Variants in MACROD2 observed in about 807,000 individuals in gnomAD.
MACROD2 encodes ADP-ribose glycohydrolase MACROD2.
A neutral mutation model predicts 70.4 loss-of-function variants in MACROD2; 36 were observed. The observed-to-expected ratio is 0.51, with a 90% CI of 0.39 to 0.68. The LOEUF (loss-of-function observed/expected upper bound fraction) is 0.68. Ranked by LOEUF, MACROD2 falls within the 30% of genes least tolerant of loss-of-function variation. The pLI is 0.00. For synonymous variants in MACROD2, 172 were observed against 178.8 expected (o/e 0.96, Z 0.30); for missense variants, 496 against 538.4 (o/e 0.92, Z 0.78).
At chr20:14,086,757 G>A (rs778977766) in intron 3 of MACROD2, among the ~76,000 whole-genome samples, 13 of 152,202 alleles carry the variant, frequency 8.5e-5, no homozygotes, top group Non-Finnish European at 1.6e-4. Context: ...TAACATGTAT[G>A]AGACAGAGAA....
At position 15,902,415 on chromosome 20, in the gene MACROD2, A is replaced by AT. The variant is rs73619850; in HGVS notation, c.775+16605dup. Among the ~76,000 whole-genome samples, 453 of 152,278 alleles carry AT rather than the reference A, an allele frequency of 3.0e-3. 1 individual carries two copies. The highest frequency in any genetic ancestry group is 0.023 in the South Asian group (112 of 4,816). ...GGTATGTGGCATTGGGGATTGGCAG[A>AT]TAAAAAATGGATACAATGTTTAATA... On this transcript the variant is annotated intron_variant, in intron 10 of 17. Coordinates refer to ENST00000684519, the MANE Select transcript of MACROD2 (RefSeq NM_001351661.2).
intron 5 of MACROD2, among the ~76,000 whole-genome samples, chr20:15,138,799 C>A (rs757240742): frequency 6.6e-6 from 1 of 152,130 alleles, no homozygotes; most frequent in Non-Finnish European, 1.5e-5. Context: ...TGGAATGAGT[C>A]ATTTATTTCT....
intron 4 of MACROD2, among the ~76,000 whole-genome samples, chr20:14,660,831 G>A (rs924835865): frequency 1.3e-5 from 2 of 151,916 alleles, no homozygotes; most frequent in Non-Finnish European, 1.5e-5. Context: ...ATTAATTGAC[G>A]TAGTGTAATG....
At chr20:15,606,101 G>T (rs2048889541) in intron 8 of MACROD2, among the ~76,000 whole-genome samples, 1 of 151,902 alleles carries the variant, frequency 6.6e-6, no homozygotes, top group African/African-American at 2.4e-5. Context: ...AATGCTTCTG[G>T]CTTAGTTTTT....
chr20:15,853,578 T>C (rs1270142781), intron 8 of MACROD2, among the ~76,000 whole-genome samples: 1 of 151,944 alleles, frequency 6.6e-6, no homozygotes, highest in East Asian at 1.9e-4. Flanking sequence ...GAGGCAGAAA[T>C]ATGGCAAGGA....
chr20:14,115,291 T>C (rs907400538), intron 3 of MACROD2, among the ~76,000 whole-genome samples: 2 of 152,198 alleles, frequency 1.3e-5, no homozygotes, highest in Non-Finnish European at 2.9e-5. Flanking sequence ...AGGAAAAATA[T>C]ATAAAACAAA....
chr20:15,937,031 A>G (rs1032501652), intron 11 of MACROD2, among the ~76,000 whole-genome samples: 1 of 152,144 alleles, frequency 6.6e-6, no homozygotes, highest in Non-Finnish European at 1.5e-5. Flanking sequence ...TGCTCCCTGC[A>G]GTTTGACAGC....
chr20:15,063,512 A>G (rs961970901), intron 5 of MACROD2, among the ~76,000 whole-genome samples: 19 of 152,148 alleles, frequency 1.2e-4, no homozygotes, highest in Admixed American at 3.3e-4. Flanking sequence ...GTCCTTTTAA[A>G]CTTGGCTCAT....
intron 5 of MACROD2, among the ~76,000 whole-genome samples, chr20:15,006,530 T>C (rs945593637): frequency 6.6e-6 from 1 of 152,100 alleles, no homozygotes; most frequent in Non-Finnish European, 1.5e-5. Context: ...AGGTGATGCA[T>C]ATGTTAATTA....
chr20:15,300,233 C>T (rs768007985), intron 6 of MACROD2, among the ~76,000 whole-genome samples: 10 of 152,126 alleles, frequency 6.6e-5, no homozygotes, highest in African/African-American at 1.7e-4. Flanking sequence ...AAAGCCTCCA[C>T]GTATTTGTAA....
chr20:15,839,709 T>C (rs1350294851), intron 8 of MACROD2, among the ~76,000 whole-genome samples: 3 of 152,090 alleles, frequency 2.0e-5, no homozygotes, highest in Admixed American at 6.6e-5. Context: ...AAATCCCAGA[T>C]ATTTGAGGGG....
intron 5 of MACROD2, among the ~76,000 whole-genome samples, chr20:14,978,822 T>C (rs1163016609): frequency 6.7e-6 from 1 of 148,442 alleles, no homozygotes. Context: ...CTATCCAAGT[T>C]GTCCCTGTTT....
At chr20:14,171,346 TC>T (rs2081219119) in intron 3 of MACROD2, among the ~76,000 whole-genome samples, 1 of 152,228 alleles carries the variant, frequency 6.6e-6, no homozygotes, top group East Asian at 1.9e-4. Context: ...TTCATTTACT[TC>T]TGCTCTGATA....
intron 8 of MACROD2, among the ~76,000 whole-genome samples, chr20:15,606,836 C>T (rs2048900130): frequency 6.6e-6 from 1 of 152,038 alleles, no homozygotes. Flanking sequence ...AACCCCGTCT[C>T]TATTAAAAAT....
chr20:15,062,260 G>T (rs2075538921), intron 5 of MACROD2, among the ~76,000 whole-genome samples: 1 of 152,148 alleles, frequency 6.6e-6, no homozygotes, highest in Non-Finnish European at 1.5e-5. Context: ...TGAGAAATAG[G>T]ATGGCTGAAT....
At chr20:14,402,212 A>G (rs2083645015) in intron 3 of MACROD2, among the ~76,000 whole-genome samples, 1 of 152,144 alleles carries the variant, frequency 6.6e-6, no homozygotes, top group Non-Finnish European at 1.5e-5. Flanking sequence ...TCTGAGGAGC[A>G]GTGGCTTTTT....
chr20:15,151,157 G>T (rs960020439), intron 5 of MACROD2, among the ~76,000 whole-genome samples: 1 of 152,076 alleles, frequency 6.6e-6, no homozygotes, highest in African/African-American at 2.4e-5. Flanking sequence ...GAGTTCCAGG[G>T]GGCTCTGGGA....
At chr20:15,680,314 G>C (rs771406006) in intron 8 of MACROD2, among the ~76,000 whole-genome samples, 1 of 152,120 alleles carries the variant, frequency 6.6e-6, no homozygotes, top group Non-Finnish European at 1.5e-5. Context: ...GTAAGCCCAG[G>C]GTTCTTTGGA....
intron 3 of MACROD2, among the ~76,000 whole-genome samples, chr20:14,234,588 T>G (rs1408787150): frequency 6.6e-6 from 1 of 152,252 alleles, no homozygotes; most frequent in Non-Finnish European, 1.5e-5. Flanking sequence ...TTTTTCTATC[T>G]TCTGTGCTAT....
Sources: gnomAD v4.1 joint callset for allele counts (sites outside exome capture counted in the v4.1 genomes callset) on GRCh38, gnomAD v4.1.1 for gene constraint, MANE v1.5 for transcripts, NCBI Gene and HGNC (gene_info 2026-07-23, HGNC 2026-07-21) for gene names.